Variants in POLL observed in about 807,000 individuals in gnomAD.
POLL encodes the protein DNA polymerase beta-2.
Under a neutral mutation model 58.1 loss-of-function variants are expected in POLL, and 44 were observed. That is an observed-to-expected ratio of 0.76 (90% CI 0.60 to 0.97). The LOEUF (loss-of-function observed/expected upper bound fraction) is 0.97. Ranked by LOEUF, POLL falls within the 50% of genes least tolerant of loss-of-function variation. POLL has a pLI of 0.00. For missense variants in POLL, 632 were observed against 736.8 expected (o/e 0.86, Z 1.65); for synonymous variants, 290 against 283.2 (o/e 1.02, Z -0.24).
chr10:101,588,195 A>T lies in POLL; in HGVS notation c.-420T>A, dbSNP rs767169067. On this transcript the variant is annotated 5_prime_UTR_variant, in exon 1 of 9. Coordinates refer to ENST00000370162, the MANE Select transcript of POLL (RefSeq NM_001174084.2). ...GTCACCCGGGGGTGGGCAGGAATAG[A>T]CCACTTACCAGCAGAGCCAATGAGA... 2 of 1,537,124 alleles carry T rather than the reference A, an allele frequency of 1.3e-6. No individual in the cohort carries two copies. Among genetic ancestry groups the T allele is most frequent in the South Asian group, 2.4e-5 (2 of 83,034 alleles).
Position 101,580,515 on chromosome 10 carries a change from CT to C in POLL, c.1195-100del. 9.4e-7 allele frequency: 1 copy of C among 1,061,020 alleles called. No homozygotes were observed. Among genetic ancestry groups the C allele is most frequent in the Non-Finnish European group, 1.4e-6 (1 of 723,278 alleles). 65.7% of individuals were successfully genotyped at this position (1,061,020 alleles called of 1,614,324 possible). A position where few individuals can be genotyped will look rare whatever the true frequency, so the allele number is the denominator to read the frequency against. On this transcript the variant is annotated intron_variant, in intron 7 of 8. Transcript: ENST00000370162. The surrounding 1 kb of genome is among the most constrained non-coding windows in gnomAD (Gnocchi z 4.1). Reference sequence around the variant, plus strand: ...CCCAGACTCGGGCCCACACCCTCAGCTTATGCCCATTCCAGATGCCTGCTGC... The same window carrying C: ...CCCAGACTCGGGCCCACACCCTCAGCTATGCCCATTCCAGATGCCTGCTGC...
rs2062952483 is a variant in POLL at position 101,580,929 on chromosome 10, G to A, written c.1195-513C>T. 6.5e-6 allele frequency: 1 copy of A among 152,962 alleles called. No homozygotes were observed. Among genetic ancestry groups the A allele is most frequent in the South Asian group, 2.1e-4 (1 of 4,846 alleles). 9.5% of individuals were successfully genotyped at this position (152,962 alleles called of 1,614,324 possible). On this transcript the variant is annotated intron_variant, in intron 7 of 8. Transcript: ENST00000370162. This position sits in a 1 kb window ranked among gnomAD's most constrained non-coding sequence, Gnocchi z 4.1. Reference sequence around the variant, plus strand: ...GCGCCAGGCCCAGGCCCAGGAGAAAGTGGAGCACAGAAATACAGCTGCACC... The same window carrying A: ...GCGCCAGGCCCAGGCCCAGGAGAAAATGGAGCACAGAAATACAGCTGCACC...
Position 101,588,084 on chromosome 10 carries a change from A to G in POLL, c.-309T>C. The stretch of plus-strand genomic sequence containing the variant: ...GGGAATCCCAGCTCGGGGCTAGAAG[A>G]AAGCTGGAGTGCCCGACCCCGGCCC... On this transcript the variant is annotated 5_prime_UTR_variant, in exon 1 of 9. Transcript: ENST00000370162. The G allele has an allele frequency of 6.7e-7, 1 of 1,486,396 alleles. No homozygotes were observed. The highest frequency in any genetic ancestry group is 9.0e-7 in the Non-Finnish European group (1 of 1,115,696). 92.1% of individuals were successfully genotyped at this position (1,486,396 alleles called of 1,614,324 possible). A position where few individuals can be genotyped will look rare whatever the true frequency, so the allele number is the denominator to read the frequency against.
rs775831338 is a variant in POLL at position 101,586,411 on chromosome 10, A to T, written c.116-255T>A. ...TTGGTGCAATCTAGAAGTGTCTGGCACATTGTAAGTAACCTGTAAATATTT... is the reference window on the plus strand; with the variant it reads ...TTGGTGCAATCTAGAAGTGTCTGGCTCATTGTAAGTAACCTGTAAATATTT... On this transcript the variant is annotated intron_variant, in intron 2 of 8. Transcript: ENST00000370162. Among the ~76,000 whole-genome samples, 55 of 152,190 alleles carry T rather than the reference A, an allele frequency of 3.6e-4. 1 individual carries two copies. Among genetic ancestry groups the T allele is most frequent in the Admixed American group, 1.2e-3 (19 of 15,286 alleles).
chr10:101,579,342 A>C lies in POLL; in HGVS notation c.*111T>G. The C allele has an allele frequency of 3.9e-6, 5 of 1,283,226 alleles. No homozygotes were observed. Among genetic ancestry groups the C allele is most frequent in the Non-Finnish European group, 5.3e-6 (5 of 937,620 alleles). The allele number at this position is 1,283,226 out of a possible 1,614,324, so 79.5% of individuals were successfully genotyped here. A position where few individuals can be genotyped will look rare whatever the true frequency, so the allele number is the denominator to read the frequency against. ...AGCCCTGGGCCCTGCTCGCTGAGGA[A>C]GCTGGTGGTTGGAGCGGCGAGGTTC... On this transcript the variant is annotated 3_prime_UTR_variant, in exon 9 of 9. Coordinates refer to ENST00000370162, the MANE Select transcript of POLL (RefSeq NM_001174084.2). This position sits in a 1 kb window ranked among gnomAD's most constrained non-coding sequence, Gnocchi z 4.4.
At chr10:101,583,754 C>A (rs1468733607) in intron 5 of POLL, 73 bp from the exon 6 acceptor site, 2 of 1,361,262 alleles carry the variant, frequency 1.5e-6, no homozygotes, top group Admixed American at 1.8e-5. Flanking sequence ...GGAAAGGAAG[C>A]TGACTCCTCT....
intron 7 of POLL, chr10:101,582,100 T>G (rs1313259576): frequency 2.0e-5 from 3 of 152,316 alleles, no homozygotes; most frequent in Non-Finnish European, 4.4e-5. Context: ...GCTCAGATGA[T>G]CTGTCCACCC....
chr10:101,579,431 C>A lies in POLL; in HGVS notation c.*22G>T, dbSNP rs750513472. 1 of 1,585,618 alleles carries A rather than the reference C, an allele frequency of 6.3e-7. No individual in the cohort carries two copies. Among genetic ancestry groups the A allele is most frequent in the South Asian group, 1.2e-5 (1 of 86,780 alleles). Reference sequence around the variant, plus strand: ...GGGGTAGCCAGTCCAACTCGGCTCTCCTCAGCACCCCCAGCCATGGGTCAC... The same window carrying A: ...GGGGTAGCCAGTCCAACTCGGCTCTACTCAGCACCCCCAGCCATGGGTCAC... On this transcript the variant is annotated 3_prime_UTR_variant, in exon 9 of 9. Transcript: ENST00000370162. The surrounding 1 kb of genome is among the most constrained non-coding windows in gnomAD (Gnocchi z 4.4).
In POLL at chr10:101,578,915, G is replaced by A; in HGVS notation, c.*538C>T. 1 of 160,122 alleles carries A rather than the reference G, an allele frequency of 6.2e-6. No homozygotes were observed. The highest frequency in any genetic ancestry group is 1.4e-5 in the Non-Finnish European group (1 of 72,246). The allele number at this position is 160,122 out of a possible 1,614,324, so 9.9% of individuals were successfully genotyped here. A position where few individuals can be genotyped will look rare whatever the true frequency, so the allele number is the denominator to read the frequency against. On this transcript the variant is annotated 3_prime_UTR_variant, in exon 9 of 9. Coordinates refer to ENST00000370162, the MANE Select transcript of POLL (RefSeq NM_001174084.2). Reference sequence around the variant, plus strand: ...CAAATGCACTTTACTGGGCCCCTGGGCCTCCCAACACTGTCCTCACCAAGG... The same window carrying A: ...CAAATGCACTTTACTGGGCCCCTGGACCTCCCAACACTGTCCTCACCAAGG...
Position 101,582,898 on chromosome 10 carries a change from A to G in POLL, c.1066-7T>C. 6.2e-7 allele frequency: 1 copy of G among 1,614,206 alleles called. No individual in the cohort carries two copies. Among genetic ancestry groups the G allele is most frequent in the Non-Finnish European group, 8.5e-7 (1 of 1,180,046 alleles). ...CTTCCAGACTTCGGAAGCCCTGGAAAAAAGCAGCCAGATGGGAAGCTGTAA... is the reference window on the plus strand; with the variant it reads ...CTTCCAGACTTCGGAAGCCCTGGAAGAAAGCAGCCAGATGGGAAGCTGTAA... On this transcript the variant is annotated splice_region_variant and splice_polypyrimidine_tract_variant and intron_variant, in intron 6 of 8. Transcript: ENST00000370162.
Position 101,583,583 on chromosome 10 carries a change from C to G in POLL, c.990G>C (p.Glu330Asp), listed in dbSNP as rs368773624. Residue 330 changes from glutamate (E) to aspartate (D), a missense_variant, in exon 6 of 9, where the codon GAG becomes GAC. Transcript: ENST00000370162. Reference protein sequence around the residue: ...GHLRKLDHISESVPVLELFSN... With the variant: ...GHLRKLDHISDSVPVLELFSN... ...AGAAGAGCTCCAAGACAGGCACGCT[C>G]TCACTGATATGGTCCAGCTTCCGCA... The G allele has an allele frequency of 6.2e-6, 10 of 1,614,010 alleles. No individual in the cohort carries two copies. Among genetic ancestry groups the G allele is most frequent in the African/African-American group, 2.7e-5 (2 of 74,938 alleles).
At position 101,586,126 on chromosome 10, in the gene POLL, A is replaced by T; in HGVS notation, c.146T>A (p.Val49Glu). 1 of 1,613,594 alleles carries T rather than the reference A, an allele frequency of 6.2e-7. No homozygotes were observed. The highest frequency in any genetic ancestry group is 1.1e-5 in the South Asian group (1 of 91,078). Residue 49 changes from valine to glutamate, a missense_variant, in exon 3 of 9, where the codon GTG (valine) becomes GAG (glutamate). Val to Glu is a moderately radical substitution (Grantham distance 121). Transcript: ENST00000370162. The part of the protein sequence containing the change: ...EWLSSLRAHV[V>E]RTGIGRARAE... ...CCGGGCTCGTCCAATGCCAGTGCGCACAACATGGGCCCGAAGGGAGCTCAG... is the reference window on the plus strand; with the variant it reads ...CCGGGCTCGTCCAATGCCAGTGCGCTCAACATGGGCCCGAAGGGAGCTCAG...
Position 101,580,203 on chromosome 10 carries a change from G to GTGC in POLL, c.1363+42_1363+44dup. 6.4e-7 allele frequency: 1 copy of GTGC among 1,567,074 alleles called. No homozygotes were observed. Among genetic ancestry groups the GTGC allele is most frequent in the Non-Finnish European group, 8.7e-7 (1 of 1,149,706 alleles). Reference sequence around the variant, plus strand: ...TCCCTCTGAGGGGGCCCCCAGACCTGTGCTGCCCTCTGTCAACCTGCTCAC... The same window carrying GTGC: ...TCCCTCTGAGGGGGCCCCCAGACCTGTGCTGCTGCCCTCTGTCAACCTGCTCAC... On this transcript the variant is annotated intron_variant, in intron 8 of 8. Coordinates refer to ENST00000370162, the MANE Select transcript of POLL (RefSeq NM_001174084.2). This position sits in a 1 kb window ranked among gnomAD's most constrained non-coding sequence, Gnocchi z 4.1.
chr10:101,581,478 T>C (rs899828668), intron 7 of POLL: 1 of 152,212 alleles, frequency 6.6e-6, no homozygotes, highest in East Asian at 1.9e-4. Flanking sequence ...ACCGGCCTCA[T>C]AGCCTTGTGG....
At chr10:101,585,029 C>A in intron 4 of POLL, 110 bp from the exon 5 acceptor site, 1 of 780,744 alleles carries the variant, frequency 1.3e-6, no homozygotes, top group Non-Finnish European at 1.9e-6. Context: ...CTAGTCAGAC[C>A]TAAGAATGAG....
In POLL at chr10:101,587,866, G is replaced by C. The variant is rs1376749243; in HGVS notation, c.-91C>G. ...AGGAAGGAGGAGGACTTTCGGGGGT[G>C]AGTGGGAACGCCCTGCACCTGTCCT... On this transcript the variant is annotated 5_prime_UTR_variant, in exon 1 of 9. Coordinates refer to ENST00000370162, the MANE Select transcript of POLL (RefSeq NM_001174084.2). 1 of 1,190,976 alleles carries C rather than the reference G, an allele frequency of 8.4e-7. No homozygotes were observed. The highest frequency in any genetic ancestry group is 1.6e-5 in the African/African-American group (1 of 62,656). The allele number at this position is 1,190,976 out of a possible 1,614,324, so 73.8% of individuals were successfully genotyped here. A position where few individuals can be genotyped will look rare whatever the true frequency, so the allele number is the denominator to read the frequency against.
chr10:101,580,195 C>T lies in POLL; in HGVS notation c.1363+53G>A. On this transcript the variant is annotated intron_variant, in intron 8 of 8. Transcript: ENST00000370162. The surrounding 1 kb of genome is among the most constrained non-coding windows in gnomAD (Gnocchi z 4.1). Reference sequence around the variant, plus strand: ...TGAGGTTCTCCCTCTGAGGGGGCCCCCAGACCTGTGCTGCCCTCTGTCAAC... The same window carrying T: ...TGAGGTTCTCCCTCTGAGGGGGCCCTCAGACCTGTGCTGCCCTCTGTCAAC... The T allele has an allele frequency of 6.5e-7, 1 of 1,536,320 alleles. No individual in the cohort carries two copies. Among genetic ancestry groups the T allele is most frequent in the Admixed American group, 1.8e-5 (1 of 54,552 alleles).
At chr10:101,582,588 C>A (rs1399022924) in intron 7 of POLL, among the ~76,000 whole-genome samples, 175 bp downstream of exon 7, 11 of 152,098 alleles carry the variant, frequency 7.2e-5, no homozygotes, top group Admixed American at 6.5e-4. Flanking sequence ...AGCTCCCCAC[C>A]CCCACCTCTG....
rs1009332023 is a variant in POLL at position 101,585,485 on chromosome 10, G to A, written c.411-7C>T. On this transcript the variant is annotated splice_polypyrimidine_tract_variant and splice_region_variant and intron_variant, in intron 3 of 8. Coordinates refer to ENST00000370162, the MANE Select transcript of POLL (RefSeq NM_001174084.2). ...CTGTGGATGGTCCAAGTACCTGTGGGGATGGTGATGGGAGGTTAAGACACC... is the reference window on the plus strand; with the variant it reads ...CTGTGGATGGTCCAAGTACCTGTGGAGATGGTGATGGGAGGTTAAGACACC... 2.0e-6 allele frequency: 3 copies of A among 1,516,274 alleles called. No individual in the cohort carries two copies. The highest frequency in any genetic ancestry group is 1.8e-6 in the Non-Finnish European group (2 of 1,131,104). 93.9% of individuals were successfully genotyped at this position (1,516,274 alleles called of 1,614,324 possible). A position where few individuals can be genotyped will look rare whatever the true frequency, so the allele number is the denominator to read the frequency against.
Sources: gnomAD v4.1 joint callset for allele counts (sites outside exome capture counted in the v4.1 genomes callset) on GRCh38, gnomAD v4.1.1 for gene constraint, Gnocchi (gnomAD v3.1) non-coding constraint, MANE v1.5 for transcripts, NCBI Gene and HGNC (gene_info 2026-07-23, HGNC 2026-07-21) for gene names.